CD163L1: variants seen among roughly 807,000 people sequenced by gnomAD.
The protein encoded by CD163L1 is scavenger receptor cysteine-rich type 1 protein M160.
Under a neutral mutation model 165.4 loss-of-function variants are expected in CD163L1, and 124 were observed. The ratio of observed to expected loss-of-function variants is 0.75; its 90% CI spans 0.65 to 0.87. The LOEUF (loss-of-function observed/expected upper bound fraction) is 0.87, where lower values mean the gene tolerates loss of function less well. Among genes scored for constraint, CD163L1 ranks in the 40% least tolerant of loss-of-function variants. The pLI, the probability that CD163L1 is intolerant of heterozygous loss-of-function variation, is 0.00. For missense variants in CD163L1, 1,525 were observed against 1,799.9 expected (o/e 0.85, Z 2.76); for synonymous variants, 585 against 662.2 (o/e 0.88, Z 1.79).
chr12:7,434,259 A>T (rs944579984), intron 2 of CD163L1, among the ~76,000 whole-genome samples: 4 of 152,180 alleles, frequency 2.6e-5, no homozygotes, highest in African/African-American at 9.6e-5. Context: ...CATGATTGTA[A>T]TATGCTAGTC....
chr12:7,390,823 T>G (rs1010523083), intron 8 of CD163L1, among the ~76,000 whole-genome samples: 4 of 151,902 alleles, frequency 2.6e-5, no homozygotes, highest in African/African-American at 4.8e-5. Context: ...AGTCAGGGAG[T>G]CCAACTCTTT....
intron 4 of CD163L1, among the ~76,000 whole-genome samples, chr12:7,413,311 A>G (rs73059760): frequency 0.051 from 7,826 of 152,128 alleles, 285 homozygotes; most frequent in South Asian, 0.077. Flanking sequence ...AGCCTTATGG[A>G]ACATTTCCCA....
the CD163L1 span, chr12:7,322,362 G>T: frequency 1.2e-6 from 2 of 1,608,740 alleles, no homozygotes; most frequent in South Asian, 2.2e-5. Flanking sequence ...TAATTGTCTT[G>T]CAGTGAAAGC....
chr12:7,394,475 A>C (rs1426742853), intron 8 of CD163L1, among the ~76,000 whole-genome samples: 5 of 152,234 alleles, frequency 3.3e-5, no homozygotes, highest in African/African-American at 1.2e-4. Flanking sequence ...TGTTAGACCT[A>C]AAAGCATAAA....
At chr12:7,323,852 GTATTT>G in the CD163L1 span, among the ~76,000 whole-genome samples, 3 of 152,084 alleles carry the variant, frequency 2.0e-5, no homozygotes, top group East Asian at 5.8e-4. Flanking sequence ...ATGACCTTTT[GTATTT>G]TATATTACAA....
intron 8 of CD163L1, among the ~76,000 whole-genome samples, chr12:7,387,339 CAAATG>C (rs1184399721): frequency 1.3e-5 from 2 of 152,102 alleles, no homozygotes; most frequent in Non-Finnish European, 2.9e-5. Flanking sequence ...AAGACACAAA[CAAATG>C]AAATGAAGAG....
the CD163L1 span, chr12:7,328,359 T>C: frequency 1.3e-6 from 2 of 1,590,172 alleles, no homozygotes; most frequent in Non-Finnish European, 1.7e-6. Flanking sequence ...AGACCAAGAA[T>C]GGAGAGGAAG....
chr12:7,389,966 A>T (rs1263829756), intron 8 of CD163L1, among the ~76,000 whole-genome samples: 1 of 146,558 alleles, frequency 6.8e-6, no homozygotes, highest in South Asian at 2.1e-4. Context: ...ATATTTATAT[A>T]TATATATATA....
At position 7,368,824 on chromosome 12, in the gene CD163L1, T is replaced by A; in HGVS notation, c.4072+109A>T. The A allele has an allele frequency of 8.1e-7, 1 of 1,237,802 alleles. No individual in the cohort carries two copies. Among genetic ancestry groups the A allele is most frequent in the Non-Finnish European group, 1.2e-6 (1 of 845,404 alleles). The allele number at this position is 1,237,802 out of a possible 1,614,324, so 76.7% of individuals were successfully genotyped here. On this transcript the variant is annotated intron_variant, in intron 16 of 19. Transcript: ENST00000313599. The surrounding 1 kb of genome is among the most constrained non-coding windows in gnomAD (Gnocchi z 4.3). ...ACTGGCTGCGACCCACAGACTCATA[T>A]TTCTGCAGTCCCCAGTCTTCTTTGA...
At chr12:7,330,612 C>A in the CD163L1 span, among the ~76,000 whole-genome samples, 1 of 152,194 alleles carries the variant, frequency 6.6e-6, no homozygotes, top group South Asian at 2.1e-4. Flanking sequence ...GATAAAATTT[C>A]AGGCTGAGCA....
chr12:7,338,197 G>A, the CD163L1 span, among the ~76,000 whole-genome samples: 2 of 152,164 alleles, frequency 1.3e-5, no homozygotes, highest in Non-Finnish European at 2.9e-5. Context: ...AATAGCATTA[G>A]AAGAAACACT....
intron 19 of CD163L1, among the ~76,000 whole-genome samples, chr12:7,356,612 G>T (rs1202232327): frequency 1.3e-5 from 2 of 152,090 alleles, no homozygotes. Flanking sequence ...GCTCATTCAT[G>T]CTAGGAATTA....
At chr12:7,370,059 C>T (rs893422912) in intron 14 of CD163L1, among the ~76,000 whole-genome samples, 4 of 152,178 alleles carry the variant, frequency 2.6e-5, no homozygotes, top group Non-Finnish European at 2.9e-5. Context: ...CAAGTTTGAT[C>T]TATATAAGAC....
Position 7,403,762 on chromosome 12 carries a change from C to A in CD163L1, c.1181G>T (p.Cys394Phe). The stretch of plus-strand genomic sequence containing the variant: ...TTGTTCATTCTTCCAGTTCTGGTCA[C>A]ATATTGTCCACCACTGTTCATGAAT... ...VRIHEQWWTI[C>F]DQNWKNEQAL... is the part of the protein sequence containing the mutation. Residue 394 changes from cysteine (C) to phenylalanine (F), a missense_variant, in exon 6 of 20, where the codon TGT becomes TTT. Cys to Phe is a radical substitution (Grantham distance 205, BLOSUM62 -2). Transcript: ENST00000313599. 1 of 1,613,950 alleles carries A rather than the reference C, an allele frequency of 6.2e-7. No individual in the cohort carries two copies. The highest frequency in any genetic ancestry group is 8.5e-7 in the Non-Finnish European group (1 of 1,179,962).
At position 7,368,843 on chromosome 12, in the gene CD163L1, T is replaced by G. The variant is rs2136408397; in HGVS notation, c.4072+90A>C. On this transcript the variant is annotated intron_variant, in intron 16 of 19. Transcript: ENST00000313599. This position sits in a 1 kb window ranked among gnomAD's most constrained non-coding sequence, Gnocchi z 4.3. ...CTCATATTTCTGCAGTCCCCAGTCT[T>G]CTTTGATTATCATAGCAGTTTCTGC... 4 of 1,420,128 alleles carry G rather than the reference T, an allele frequency of 2.8e-6. No individual in the cohort carries two copies. The South Asian group carries it at 4.6e-5, about 16-fold the overall frequency. 88.0% of individuals were successfully genotyped at this position (1,420,128 alleles called of 1,614,324 possible). A position where few individuals can be genotyped will look rare whatever the true frequency, so the allele number is the denominator to read the frequency against.
chr12:7,341,175 A>C, the CD163L1 span, among the ~76,000 whole-genome samples: 1 of 152,148 alleles, frequency 6.6e-6, no homozygotes, highest in East Asian at 1.9e-4. Flanking sequence ...TTTAAAAATA[A>C]AGTCACAGAA....
chr12:7,422,885 CTT>C (rs1948466178), intron 4 of CD163L1, among the ~76,000 whole-genome samples: 1 of 151,534 alleles, frequency 6.6e-6, no homozygotes. Context: ...TAGTGGGAGA[CTT>C]TAACACCCCA....
intron 14 of CD163L1, among the ~76,000 whole-genome samples, chr12:7,371,861 T>C (rs1947152816): frequency 6.6e-6 from 1 of 151,832 alleles, no homozygotes; most frequent in South Asian, 2.1e-4. Context: ...GCATAACATT[T>C]TGCAATAAAA....
chr12:7,436,278 G>C (rs1488515377), intron 2 of CD163L1, among the ~76,000 whole-genome samples: 1 of 152,058 alleles, frequency 6.6e-6, no homozygotes, highest in African/African-American at 2.4e-5. Flanking sequence ...ACATTAAACA[G>C]CGAGAAATTT....
Sources: allele counts gnomAD v4.1 joint callset (sites outside exome capture counted in the v4.1 genomes callset), GRCh38; gene constraint gnomAD v4.1.1; non-coding constraint Gnocchi (gnomAD v3.1); transcripts MANE v1.5; gene names NCBI Gene and HGNC (gene_info 2026-07-23, HGNC 2026-07-21).